STK17B: variants seen among roughly 807,000 people sequenced by gnomAD.
STK17B encodes the protein serine/threonine-protein kinase 17B.
In STK17B, 21 loss-of-function variants were observed where a neutral mutation model predicts 42.0. The observed-to-expected ratio is 0.50, with a 90% CI of 0.35 to 0.72. The LOEUF (loss-of-function observed/expected upper bound fraction) is 0.72, where lower values mean the gene tolerates loss of function less well. STK17B is among the 30% of genes least tolerant of loss of function. STK17B has a pLI of 0.00. For synonymous variants in STK17B, 143 were observed against 148.4 expected (o/e 0.96, Z 0.26); for missense variants, 349 against 446.0 (o/e 0.78, Z 1.96).
At chr2:196,150,805 A>G (rs966843355) in intron 3 of STK17B, among the ~76,000 whole-genome samples, 5 of 152,248 alleles carry the variant, frequency 3.3e-5, no homozygotes, top group African/African-American at 1.2e-4. Context: ...TGGGAGAAAC[A>G]AAGTCCATGG....
chr2:196,143,790 T>C (rs989671403), intron 4 of STK17B, 104 bp from the exon 5 acceptor site: 2 of 1,058,136 alleles, frequency 1.9e-6, no homozygotes, highest in Admixed American at 6.8e-5. Context: ...CTATTATACA[T>C]TTCATTGAGT....
intron 2 of STK17B, 121 bp downstream of exon 2, chr2:196,163,141 G>A: frequency 8.2e-7 from 1 of 1,224,564 alleles, no homozygotes; most frequent in Non-Finnish European, 1.1e-6. Context: ...CAGCAACAGA[G>A]ATCACAACTT....
chr2:196,139,758 G>T lies in STK17B; in HGVS notation c.698C>A (p.Ser233Ter). 1 of 1,441,902 alleles carries T rather than the reference G, an allele frequency of 6.9e-7. No individual in the cohort carries two copies. Among genetic ancestry groups the T allele is most frequent in the South Asian group, 1.7e-5 (1 of 60,540 alleles). The allele number at this position is 1,441,902 out of a possible 1,614,324, so 89.3% of individuals were successfully genotyped here. Reference sequence around the variant, plus strand: ...TTGATTATCTTCTCCCACAAATGGTGATGTGTGAGTTAACAACATATATGC... The same window carrying T: ...TTGATTATCTTCTCCCACAAATGGTTATGTGTGAGTTAACAACATATATGC... ...IIAYMLLTHT[S>*]PFVGEDNQET... The change falls in exon 7 of 8, where the codon TCA (serine) becomes TAA (stop). Residue 233 changes from serine to a stop codon, truncating the protein, a stop_gained. Coordinates refer to ENST00000263955, the MANE Select transcript of STK17B (RefSeq NM_004226.4). LOFTEE classifies it high-confidence loss of function.
At chr2:196,166,487 T>A (rs1017183603) in intron 1 of STK17B, among the ~76,000 whole-genome samples, 1 of 152,086 alleles carries the variant, frequency 6.6e-6, no homozygotes, top group Non-Finnish European at 1.5e-5. Context: ...TTATAGCATT[T>A]AAAAAAAATC....
chr2:196,165,363 G>A (rs4850675), intron 1 of STK17B, among the ~76,000 whole-genome samples: 73,008 of 151,998 alleles, frequency 0.48, 20,169 homozygotes, highest in South Asian at 0.63. Context: ...CCTGATCTGC[G>A]GCAACACAGT....
intron 3 of STK17B, among the ~76,000 whole-genome samples, chr2:196,147,060 A>T (rs987296105): frequency 6.6e-6 from 1 of 152,214 alleles, no homozygotes; most frequent in Non-Finnish European, 1.5e-5. Flanking sequence ...TCAGTTACTT[A>T]TAGTCATCCA....
At position 196,156,495 on chromosome 2, in the gene STK17B, AAC is replaced by A; in HGVS notation, c.277_278del (p.Val93TyrfsTer2). ...VLELAKSCPRVINLHEVYENT... is the reference protein window; with the variant it reads ...VLELAKSCPRXINLHEVYENT... Reference sequence around the variant, plus strand: ...TTTCATAGACCTCATGAAGATTAATAACACGGGGACAAGACTTTGCCAATTCA... The same window carrying A: ...TTTCATAGACCTCATGAAGATTAATAACGGGGACAAGACTTTGCCAATTCA... On this transcript the variant is annotated frameshift_variant, in exon 3 of 8. Coordinates refer to ENST00000263955, the MANE Select transcript of STK17B (RefSeq NM_004226.4). LOFTEE classifies it high-confidence loss of function. 6.2e-7 allele frequency: 1 copy of A among 1,614,084 alleles called. No homozygotes were observed. The highest frequency in any genetic ancestry group is 1.1e-5 in the South Asian group (1 of 91,072).
chr2:196,135,802 C>CAAAAA lies in STK17B; in HGVS notation c.*1644_*1645insTTTTT, dbSNP rs1699392582. The CAAAAA allele has an allele frequency of 1.2e-5, 1 of 86,536 alleles. No individual in the cohort carries two copies. The highest frequency in any genetic ancestry group is 2.5e-5 in the Non-Finnish European group (1 of 40,458). 5.4% of individuals were successfully genotyped at this position (86,536 alleles called of 1,614,324 possible). On this transcript the variant is annotated 3_prime_UTR_variant, in exon 8 of 8. Coordinates refer to ENST00000263955, the MANE Select transcript of STK17B (RefSeq NM_004226.4). ...CAAAAAAAAAAAAAAAAAAAAAAAG[C>CAAAAA]TCCTTTGGCACCTGAGTTGAGCACA...
At chr2:196,150,180 A>AAAAAAAAAAAAAAAAAAAAAC (rs1699645333) in intron 3 of STK17B, among the ~76,000 whole-genome samples, 1 of 4,440 alleles carries the variant, frequency 2.3e-4, no homozygotes. Flanking sequence ...AGCAGTGACT[A>AAAAAAAAAAAAAAAAAAAAAC]AAAAAAAAAA....
intron 1 of STK17B, among the ~76,000 whole-genome samples, chr2:196,169,699 A>C (rs1699914923): frequency 6.6e-6 from 1 of 152,228 alleles, no homozygotes; most frequent in South Asian, 2.1e-4. Flanking sequence ...CGATTAGTCA[A>C]ACCTCCAACT....
At chr2:196,138,207 C>T (rs1270218716) in intron 7 of STK17B, among the ~76,000 whole-genome samples, 3 of 152,294 alleles carry the variant, frequency 2.0e-5, no homozygotes, top group Non-Finnish European at 4.4e-5. Context: ...CATATATGTG[C>T]ATATACATAC....
chr2:196,154,568 A>G (rs1192654486), intron 3 of STK17B: 1 of 152,264 alleles, frequency 6.6e-6, no homozygotes, highest in African/African-American at 2.4e-5. Flanking sequence ...TGTTAATTGT[A>G]CTAGTTTTTC....
intron 1 of STK17B, among the ~76,000 whole-genome samples, chr2:196,167,693 T>C (rs1320899086): frequency 6.6e-6 from 1 of 152,224 alleles, no homozygotes; most frequent in Non-Finnish European, 1.5e-5. Context: ...TAATATAAGC[T>C]ACTAATACAA....
chr2:196,172,733 A>T (rs190922159), upstream of STK17B, among the ~76,000 whole-genome samples: 1 of 152,316 alleles, frequency 6.6e-6, no homozygotes, highest in African/African-American at 2.4e-5. Context: ...TTGCCCCTAA[A>T]CCTTGTCAAA....
At chr2:196,151,156 T>C (rs1309579426) in intron 3 of STK17B, 1 of 152,214 alleles carries the variant, frequency 6.6e-6, no homozygotes, top group African/African-American at 2.4e-5. Context: ...CATTCTCACA[T>C]AATCTCAGAG....
At chr2:196,166,093 C>T (rs1303417334) in intron 1 of STK17B, 1 of 152,228 alleles carries the variant, frequency 6.6e-6, no homozygotes, top group Non-Finnish European at 1.5e-5. Context: ...AATATACCTA[C>T]ATCACAAGCT....
intron 2 of STK17B, among the ~76,000 whole-genome samples, chr2:196,161,579 CATG>C (rs375485312): frequency 3.5e-3 from 432 of 124,080 alleles, no homozygotes; most frequent in Middle Eastern, 0.028. Flanking sequence ...AGTGCAGTGG[CATG>C]ATATCGGCTC....
Position 196,143,685 on chromosome 2 carries a change from G to A in STK17B, c.482C>T (p.Pro161Leu). Residue 161 changes from proline (P) to leucine (L), a missense_variant and splice_region_variant, in exon 5 of 8, where the codon CCA becomes CTA. This residue lies in a region of STK17B where 256 missense variants were observed against 347.7 expected (regional missense o/e 0.74). Coordinates refer to ENST00000263955, the MANE Select transcript of STK17B (RefSeq NM_004226.4). ...QNNIVHLDLKPQNILLSSIYP... is the reference protein window; with the variant it reads ...QNNIVHLDLKLQNILLSSIYP... The stretch of plus-strand genomic sequence containing the variant: ...TATGCTGCTCAGTAATATATTCTGT[G>A]GCTAAACAAAGTACAACAAAAACAT... 6.7e-7 allele frequency: 1 copy of A among 1,503,340 alleles called. No homozygotes were observed. Among genetic ancestry groups the A allele is most frequent in the Non-Finnish European group, 8.9e-7 (1 of 1,125,578 alleles). 93.1% of individuals were successfully genotyped at this position (1,503,340 alleles called of 1,614,324 possible).
rs1699405183 is a variant in STK17B, at chr2:196,136,317, C to T, written c.*1130G>A. 6.6e-6 allele frequency: 1 copy of T among 152,316 alleles called. No homozygotes were observed. 9.4% of individuals were successfully genotyped at this position (152,316 alleles called of 1,614,324 possible). A position where few individuals can be genotyped will look rare whatever the true frequency, so the allele number is the denominator to read the frequency against. ...GCTCTCCCTAGTCTCTTGCATTGGTCCCAGCAAAAGACCACAATGAGGGGC... is the reference window on the plus strand; with the variant it reads ...GCTCTCCCTAGTCTCTTGCATTGGTTCCAGCAAAAGACCACAATGAGGGGC... On this transcript the variant is annotated 3_prime_UTR_variant, in exon 8 of 8. Transcript: ENST00000263955.
Sources: gnomAD v4.1 joint callset for allele counts (sites outside exome capture counted in the v4.1 genomes callset) on GRCh38, gnomAD v4.1.1 for gene constraint, gnomAD v4.1.1 regional missense constraint, MANE v1.5 for transcripts, NCBI Gene and HGNC (gene_info 2026-07-23, HGNC 2026-07-21) for gene names.